Variants in GAB2 observed in about 807,000 individuals in gnomAD.
GAB2 encodes GRB2 associated binding protein 2.
In GAB2, 26 loss-of-function variants were observed where a neutral mutation model predicts 65.5. The observed-to-expected ratio is 0.40, with a 90% CI of 0.29 to 0.55. The LOEUF (loss-of-function observed/expected upper bound fraction) is 0.55. Ranked by LOEUF, GAB2 falls within the 20% of genes least tolerant of loss-of-function variation. The probability of loss-of-function intolerance (pLI) is 0.53; values close to 1 mark genes in which losing one functional copy is unlikely to be tolerated. For missense variants in GAB2, 884 were observed against 875.8 expected (o/e 1.01, Z -0.12); for synonymous variants, 321 against 329.6 (o/e 0.97, Z 0.28).
At chr11:78,417,550 A>T in intron 1 of GAB2, 96 bp downstream of exon 1, 1 of 382,072 alleles carries the variant, frequency 2.6e-6, no homozygotes, top group Non-Finnish European at 3.6e-6. Context: ...TCCGGGCCCG[A>T]GCTCCCCAGC....
intron 2 of GAB2, among the ~76,000 whole-genome samples, chr11:78,275,525 T>G (rs961971799): frequency 2.6e-5 from 4 of 152,132 alleles, no homozygotes; most frequent in Non-Finnish European, 5.9e-5. Flanking sequence ...GCCACTAAAT[T>G]AAAACATAAC....
chr11:78,298,801 C>T (rs1478980874), intron 1 of GAB2, among the ~76,000 whole-genome samples: 1 of 152,178 alleles, frequency 6.6e-6, no homozygotes, highest in Non-Finnish European at 1.5e-5. Context: ...CAAATGATGC[C>T]CAGGAATATA....
intron 3 of GAB2, among the ~76,000 whole-genome samples, chr11:78,249,506 C>A (rs942891109): frequency 6.6e-6 from 1 of 152,172 alleles, no homozygotes; most frequent in African/African-American, 2.4e-5. Flanking sequence ...GGTTCTGCAC[C>A]TGTGAAAGAG....
chr11:78,342,813 C>A (rs1260037947), intron 1 of GAB2, among the ~76,000 whole-genome samples: 2 of 152,104 alleles, frequency 1.3e-5, no homozygotes, highest in Non-Finnish European at 2.9e-5. Flanking sequence ...CTCCATAGTT[C>A]CTAGTACAGA....
chr11:78,234,974 C>T (rs1191987838), intron 3 of GAB2, among the ~76,000 whole-genome samples: 1 of 151,988 alleles, frequency 6.6e-6, no homozygotes, highest in Non-Finnish European at 1.5e-5. Context: ...CATGCCACTG[C>T]ATTCCAGCCC....
chr11:78,356,762 G>A (rs1856364682), intron 1 of GAB2, among the ~76,000 whole-genome samples: 1 of 152,198 alleles, frequency 6.6e-6, no homozygotes, highest in African/African-American at 2.4e-5. Flanking sequence ...AATATTCACT[G>A]ACAAAGAGTG....
At chr11:78,388,839 C>T (rs1856799862) in intron 1 of GAB2, among the ~76,000 whole-genome samples, 1 of 152,148 alleles carries the variant, frequency 6.6e-6, no homozygotes, top group Admixed American at 6.5e-5. Context: ...AGACTGAGAA[C>T]TAGAGCGAGA....
intron 1 of GAB2, among the ~76,000 whole-genome samples, chr11:78,289,678 G>A (rs1427759319): frequency 6.6e-6 from 1 of 152,068 alleles, no homozygotes; most frequent in Non-Finnish European, 1.5e-5. Context: ...CACTGAAGCA[G>A]GGAATCAAAC....
At chr11:78,260,885 A>G (rs1056285069) in intron 2 of GAB2, among the ~76,000 whole-genome samples, 7 of 152,170 alleles carry the variant, frequency 4.6e-5, no homozygotes, top group East Asian at 1.9e-4. Flanking sequence ...GATCCAGACC[A>G]TATCTTTTTC....
intron 2 of GAB2, among the ~76,000 whole-genome samples, chr11:78,273,396 C>G (rs1164080371): frequency 6.6e-6 from 1 of 152,114 alleles, no homozygotes; most frequent in Middle Eastern, 3.4e-3. Flanking sequence ...GAATGTGAAA[C>G]AGGGAGTCAA....
chr11:78,350,169 C>T (rs1856254615), intron 1 of GAB2, among the ~76,000 whole-genome samples: 1 of 152,180 alleles, frequency 6.6e-6, no homozygotes, highest in South Asian at 2.1e-4. Context: ...TAGTCCATCT[C>T]CCCTGAAGCC....
At chr11:78,284,834 C>G (rs981733424) in intron 1 of GAB2, among the ~76,000 whole-genome samples, 9 of 152,038 alleles carry the variant, frequency 5.9e-5, no homozygotes, top group African/African-American at 2.2e-4. Flanking sequence ...TTCCATGATG[C>G]ATCCTTGGTG....
At chr11:78,338,527 G>A (rs1043852279) in intron 1 of GAB2, among the ~76,000 whole-genome samples, 5 of 152,114 alleles carry the variant, frequency 3.3e-5, no homozygotes, top group African/African-American at 4.8e-5. Context: ...CACACTATGC[G>A]CTTTCTCTTA....
intron 1 of GAB2, among the ~76,000 whole-genome samples, chr11:78,317,829 T>C (rs987238437): frequency 2.2e-4 from 34 of 152,140 alleles, no homozygotes; most frequent in African/African-American, 7.7e-4. Flanking sequence ...TTTTCTTTTC[T>C]GGGCTTTGGT....
chr11:78,385,571 G>T (rs550615756), intron 1 of GAB2, among the ~76,000 whole-genome samples: 1 of 152,178 alleles, frequency 6.6e-6, no homozygotes, highest in African/African-American at 2.4e-5. Context: ...ATGAATGTGG[G>T]AAAATATTCA....
intron 1 of GAB2, among the ~76,000 whole-genome samples, chr11:78,294,225 A>G (rs936850012): frequency 2.0e-5 from 3 of 152,156 alleles, no homozygotes; most frequent in African/African-American, 4.8e-5. Context: ...AGCTTCATCC[A>G]TGTCCCTACA....
chr11:78,365,603 CTGAT>C (rs1856485927), intron 1 of GAB2, among the ~76,000 whole-genome samples: 1 of 152,132 alleles, frequency 6.6e-6, no homozygotes, highest in South Asian at 2.1e-4. Flanking sequence ...AGTACAGTCA[CTGAT>C]TGGGATTGAT....
intron 3 of GAB2, among the ~76,000 whole-genome samples, chr11:78,229,444 A>G (rs1281746864): frequency 6.6e-6 from 1 of 152,186 alleles, no homozygotes; most frequent in Non-Finnish European, 1.5e-5. Flanking sequence ...AGAGCATCAC[A>G]GGCACCCTGC....
rs143361096 is a variant in GAB2, at chr11:78,409,351, G to A, written c.75+8295C>T. On this transcript the variant is annotated intron_variant, in intron 1 of 9. Transcript: ENST00000361507. ...TGTAATCCCAGCACTTTGGGAGGCC[G>A]AGGCAGGCGGATGACCTGAGGTCAG... is the stretch of plus-strand genomic sequence containing the variant. 6.2e-3 allele frequency among the ~76,000 whole-genome samples: 951 copies of A among 152,238 alleles called. 7 individuals are homozygous for A. Among genetic ancestry groups the A allele is most frequent in the African/African-American group, 0.021 (876 of 41,536 alleles).
Sources: gnomAD v4.1 joint callset for allele counts (sites outside exome capture counted in the v4.1 genomes callset) on GRCh38, gnomAD v4.1.1 for gene constraint, MANE v1.5 for transcripts, NCBI Gene and HGNC (gene_info 2026-07-23, HGNC 2026-07-21) for gene names.